The following AGBL4 variants were observed in gnomAD, a reference collection of about 807,000 sequenced individuals.
AGBL4 encodes cytosolic carboxypeptidase 6.
A neutral mutation model predicts 66.4 loss-of-function variants in AGBL4; 58 were observed. The observed-to-expected ratio is 0.87, with a 90% CI of 0.71 to 1.09. The LOEUF (loss-of-function observed/expected upper bound fraction) is 1.09, where lower values mean the gene tolerates loss of function less well. Ranked by LOEUF, AGBL4 falls within the 50% of genes least tolerant of loss-of-function variation. AGBL4 has a pLI of 0.00. For missense variants in AGBL4, 579 were observed against 631.0 expected (o/e 0.92, Z 0.88); for synonymous variants, 234 against 222.9 (o/e 1.05, Z -0.44).
At chr1:49,920,378 C>T (rs1400594719) in intron 1 of AGBL4, among the ~76,000 whole-genome samples, 2 of 152,096 alleles carry the variant, frequency 1.3e-5, no homozygotes, top group African/African-American at 2.4e-5. Context: ...ATAAAGAACT[C>T]GAACAAATTT....
intron 1 of AGBL4, among the ~76,000 whole-genome samples, chr1:49,872,849 A>G (rs1646871661): frequency 6.6e-6 from 1 of 152,068 alleles, no homozygotes; most frequent in African/African-American, 2.4e-5. Context: ...AAAATAAACT[A>G]TAGTATGCCT....
At chr1:49,930,266 A>G (rs1163249099) in intron 1 of AGBL4, among the ~76,000 whole-genome samples, 1 of 152,126 alleles carries the variant, frequency 6.6e-6, no homozygotes, top group African/African-American at 2.4e-5. Context: ...TCAGGACAGA[A>G]AAATTAAATA....
At chr1:49,234,679 G>C (rs904640737) in intron 4 of AGBL4, among the ~76,000 whole-genome samples, 7 of 151,990 alleles carry the variant, frequency 4.6e-5, no homozygotes, top group African/African-American at 1.7e-4. Context: ...ATTTCTCCCT[G>C]CTCACTCAGG....
At chr1:49,997,924 A>C (rs1259046224) in intron 1 of AGBL4, among the ~76,000 whole-genome samples, 1 of 152,206 alleles carries the variant, frequency 6.6e-6, no homozygotes, top group African/African-American at 2.4e-5. Flanking sequence ...CCATGAAAAT[A>C]CATGGAAATT....
intron 3 of AGBL4, among the ~76,000 whole-genome samples, chr1:49,524,192 A>T (rs560139602): frequency 1.3e-5 from 2 of 152,184 alleles, no homozygotes; most frequent in Admixed American, 1.3e-4. Flanking sequence ...TCATCTCCTT[A>T]CTACTATGAA....
intron 5 of AGBL4, among the ~76,000 whole-genome samples, chr1:48,977,612 TTCC>T (rs1199714013): frequency 1.3e-5 from 2 of 152,066 alleles, no homozygotes; most frequent in African/African-American, 2.4e-5. Context: ...GAGGTTTTAT[TTCC>T]TAAGGGAACA....
chr1:48,798,327 AT>A (rs1444568044), intron 6 of AGBL4, among the ~76,000 whole-genome samples: 1 of 151,298 alleles, frequency 6.6e-6, no homozygotes, highest in South Asian at 2.1e-4. Context: ...TGGGATTATT[AT>A]TTTTTTTCTT....
chr1:48,662,202 C>T (rs780640638), intron 7 of AGBL4, among the ~76,000 whole-genome samples: 18 of 152,196 alleles, frequency 1.2e-4, no homozygotes, highest in Non-Finnish European at 2.2e-4. Flanking sequence ...ACGGGGAAGG[C>T]GGTAACATCT....
At chr1:49,111,402 G>T (rs952827501) in intron 4 of AGBL4, among the ~76,000 whole-genome samples, 1 of 152,168 alleles carries the variant, frequency 6.6e-6, no homozygotes, top group African/African-American at 2.4e-5. Flanking sequence ...ATGAGCCACC[G>T]CACCTGGCCC....
intron 5 of AGBL4, among the ~76,000 whole-genome samples, chr1:48,904,180 G>T (rs916258344): frequency 3.3e-5 from 5 of 152,154 alleles, no homozygotes; most frequent in Non-Finnish European, 1.5e-5. Flanking sequence ...TCGGGAGGTT[G>T]AGGCAGGAGA....
chr1:49,413,188 T>C (rs1645352736), intron 3 of AGBL4, among the ~76,000 whole-genome samples: 1 of 152,162 alleles, frequency 6.6e-6, no homozygotes, highest in African/African-American at 2.4e-5. Flanking sequence ...GGCAAAAAGG[T>C]AGCAGCACCC....
chr1:50,023,726 C>T, intron 1 of AGBL4, 37 bp downstream of exon 1: 1 of 1,541,620 alleles, frequency 6.5e-7, no homozygotes, highest in Non-Finnish European at 8.8e-7. Context: ...ACAGCCTGGC[C>T]GCCTCAGCCT....
Position 49,966,157 on chromosome 1 carries a change from T to C in AGBL4, c.34+57606A>G, listed in dbSNP as rs1363662599. 2.0e-5 allele frequency among the ~76,000 whole-genome samples: 3 copies of C among 151,970 alleles called. No homozygotes were observed. The East Asian group carries it at 5.8e-4, about 29-fold the overall frequency. ...CAGAGTTTCACCATGTTAGCCAGGG[T>C]GGTCTCAATCTCCTGACCTGGTGAT... On this transcript the variant is annotated intron_variant, in intron 1 of 13. Transcript: ENST00000371839.
chr1:49,880,439 C>T (rs1647195758), intron 1 of AGBL4, among the ~76,000 whole-genome samples: 1 of 152,076 alleles, frequency 6.6e-6, no homozygotes, highest in Non-Finnish European at 1.5e-5. Flanking sequence ...GTCAGTGTGC[C>T]CCTGCTGGGG....
At chr1:49,798,324 A>T (rs1326249765) in intron 2 of AGBL4, among the ~76,000 whole-genome samples, 1 of 152,212 alleles carries the variant, frequency 6.6e-6, no homozygotes. Context: ...AACTTAAAAC[A>T]CTGAAGTGTT....
intron 4 of AGBL4, among the ~76,000 whole-genome samples, chr1:49,048,727 T>C (rs1644140796): frequency 6.6e-6 from 1 of 152,080 alleles, no homozygotes; most frequent in Non-Finnish European, 1.5e-5. Context: ...TGCATTATGA[T>C]TTGATCCTCA....
chr1:48,550,822 C>T (rs1243924661), intron 11 of AGBL4, among the ~76,000 whole-genome samples: 3 of 152,260 alleles, frequency 2.0e-5, no homozygotes, highest in Middle Eastern at 3.4e-3. Flanking sequence ...AGTGGATTTA[C>T]CAGGATTCAG....
At chr1:49,155,639 T>A (rs1369419908) in intron 4 of AGBL4, among the ~76,000 whole-genome samples, 1 of 152,158 alleles carries the variant, frequency 6.6e-6, no homozygotes, top group East Asian at 1.9e-4. Flanking sequence ...AGAAGTGGGC[T>A]TCCATCAGTA....
At chr1:49,965,936 A>G (rs1006300827) in intron 1 of AGBL4, among the ~76,000 whole-genome samples, 2 of 150,848 alleles carry the variant, frequency 1.3e-5, no homozygotes, top group Admixed American at 6.6e-5. Context: ...GTCTATTACA[A>G]TGATTTTTTT....
Sources: allele counts gnomAD v4.1 joint callset (sites outside exome capture counted in the v4.1 genomes callset), GRCh38; gene constraint gnomAD v4.1.1; transcripts MANE v1.5; gene names NCBI Gene and HGNC (gene_info 2026-07-23, HGNC 2026-07-21).